Variants in PCDHGB1 observed in about 807,000 individuals in gnomAD.
PCDHGB1 encodes protocadherin gamma subfamily B, 1.
A neutral mutation model predicts 56.6 loss-of-function variants in PCDHGB1; 34 were observed. That is an observed-to-expected ratio of 0.60 (90% confidence interval 0.46 to 0.80). The LOEUF (loss-of-function observed/expected upper bound fraction) is 0.80. Among genes scored for constraint, PCDHGB1 ranks in the 30% least tolerant of loss-of-function variants. The pLI, the probability that PCDHGB1 is intolerant of heterozygous loss-of-function variation, is 0.00. For synonymous variants in PCDHGB1, 561 were observed against 505.9 expected (o/e 1.11, Z -1.46); for missense variants, 1,278 against 1,204.6 (o/e 1.06, Z -0.90).
Position 141,487,910 on chromosome 5 carries a change from C to T in PCDHGB1, c.2410-6897C>T, listed in dbSNP as rs2099668803. The T allele has an allele frequency of 3.0e-6, 2 of 661,468 alleles. No individual in the cohort carries two copies. Among genetic ancestry groups the T allele is most frequent in the Non-Finnish European group, 5.1e-6 (2 of 388,904 alleles). The allele number at this position is 661,468 out of a possible 1,614,324, so 41.0% of individuals were successfully genotyped here. ...AGCATGATGATGGAATGTGGGAGCA[C>T]AGGAGGCTACAGTGCACAGGGTACA... On this transcript the variant is annotated intron_variant, in intron 1 of 3. Transcript: ENST00000523390. The surrounding 1 kb of genome is among the most constrained non-coding windows in gnomAD (Gnocchi z 5.0).
rs144203659 is a variant in PCDHGB1, at chr5:141,431,011, G to A, written c.2410-63796G>A. The A allele has an allele frequency of 1.5e-5, 24 of 1,613,168 alleles. No individual in the cohort carries two copies. The highest frequency in any genetic ancestry group is 1.7e-5 in the Non-Finnish European group (20 of 1,179,310). ...CCCTGAATCCGCGCAGCGGCAGCTTGGTCACGGCGGGCAGGATAGACCGGG... is the reference window on the plus strand; with the variant it reads ...CCCTGAATCCGCGCAGCGGCAGCTTAGTCACGGCGGGCAGGATAGACCGGG... On this transcript the variant is annotated intron_variant, in intron 1 of 3. Transcript: ENST00000523390. This position sits in a 1 kb window ranked among gnomAD's most constrained non-coding sequence, Gnocchi z 4.8.
At position 141,491,099 on chromosome 5, in the gene PCDHGB1, T is replaced by C. The variant is rs1352561414; in HGVS notation, c.2410-3708T>C. 1 of 1,614,176 alleles carries C rather than the reference T, an allele frequency of 6.2e-7. No homozygotes were observed. ...CAGTCCACAGCCCCAGGACTGTTCC[T>C]CGTGTCTACACACACTGGTGAGGTG... On this transcript the variant is annotated intron_variant, in intron 1 of 3. Coordinates refer to ENST00000523390, the MANE Select transcript of PCDHGB1 (RefSeq NM_018922.3). The surrounding 1 kb of genome is among the most constrained non-coding windows in gnomAD (Gnocchi z 6.9).
chr5:141,409,639 G>A, intron 1 of PCDHGB1: 1 of 1,613,760 alleles, frequency 6.2e-7, no homozygotes, highest in Non-Finnish European at 8.5e-7. Flanking sequence ...CCTCTGACCC[G>A]GATTTGGGGC....
rs1472806327 is a variant in PCDHGB1 at position 141,447,891 on chromosome 5, G to C, written c.2410-46916G>C. Among the ~76,000 whole-genome samples the C allele has an allele frequency of 1.3e-5, 2 of 152,080 alleles. 1 individual carries two copies. Among genetic ancestry groups the C allele is most frequent in the African/African-American group, 4.8e-5 (2 of 41,408 alleles). On this transcript the variant is annotated intron_variant, in intron 1 of 3. Coordinates refer to ENST00000523390, the MANE Select transcript of PCDHGB1 (RefSeq NM_018922.3). Reference sequence around the variant, plus strand: ...ATCTGAGGTCAGGAGTTCGAGACCAGCCTGGCCAACATGGTGAAACTCTGT... The same window carrying C: ...ATCTGAGGTCAGGAGTTCGAGACCACCCTGGCCAACATGGTGAAACTCTGT...
intron 1 of PCDHGB1, among the ~76,000 whole-genome samples, chr5:141,353,336 TTCA>T (rs1197519087): frequency 1.3e-5 from 2 of 152,230 alleles, no homozygotes; most frequent in Non-Finnish European, 2.9e-5. Context: ...CAAGTTAAAG[TTCA>T]TCAATTACAT....
chr5:141,505,494 A>G lies in PCDHGB1; in HGVS notation c.2557+13A>G. ...GCGTCCGCCAGTGGTAAGTGGTGTC[A>G]GTGTGTGTATGGAAGAGTGGGAGAC... is the stretch of plus-strand genomic sequence containing the variant. On this transcript the variant is annotated intron_variant, in intron 3 of 3. Transcript: ENST00000523390. The G allele has an allele frequency of 6.8e-6, 11 of 1,614,198 alleles. No homozygotes were observed. Among genetic ancestry groups the G allele is most frequent in the Non-Finnish European group, 9.3e-6 (11 of 1,180,006 alleles).
intron 1 of PCDHGB1, chr5:141,399,816 G>A: frequency 1.2e-6 from 2 of 1,613,196 alleles, no homozygotes; most frequent in Non-Finnish European, 1.7e-6. Context: ...ACCCCGCGCT[G>A]GGTCCCGACG....
intron 1 of PCDHGB1, chr5:141,399,248 A>G (rs2150780633): frequency 6.2e-7 from 1 of 1,613,870 alleles, no homozygotes; most frequent in South Asian, 1.1e-5. Context: ...GATTCTGGGG[A>G]AAATGGGGAG....
At position 141,486,637 on chromosome 5, in the gene PCDHGB1, G is replaced by C. The variant is rs761072169; in HGVS notation, c.2410-8170G>C. 28 of 1,613,638 alleles carry C rather than the reference G, an allele frequency of 1.7e-5. No homozygotes were observed. The highest frequency in any genetic ancestry group is 1.1e-5 in the Non-Finnish European group (13 of 1,180,034). ...CTGACCCAGACTCTGGCTTGAATGC[G>C]CTTATCTCCTACTCACTCCTGGAGC... On this transcript the variant is annotated intron_variant, in intron 1 of 3. Transcript: ENST00000523390. This position sits in a 1 kb window ranked among gnomAD's most constrained non-coding sequence, Gnocchi z 5.0.
intron 1 of PCDHGB1, chr5:141,423,880 G>T: frequency 7.8e-7 from 1 of 1,282,292 alleles, no homozygotes; most frequent in Non-Finnish European, 9.9e-7. Flanking sequence ...TTTCAATCTT[G>T]GCATATTTTC....
chr5:141,383,980 C>G lies in PCDHGB1; in HGVS notation c.2409+31311C>G, dbSNP rs145468093. The G allele has an allele frequency of 9.9e-5, 159 of 1,613,694 alleles. No homozygotes were observed. In the East Asian group the frequency reaches 3.5e-3, roughly 35 times the overall value. Reference sequence around the variant, plus strand: ...AAGTAGCTCAATCCCTGAAGACACACCTCTTGGGACAGTCATTGCTCTTTT... The same window carrying G: ...AAGTAGCTCAATCCCTGAAGACACAGCTCTTGGGACAGTCATTGCTCTTTT... On this transcript the variant is annotated intron_variant, in intron 1 of 3. Transcript: ENST00000523390.
chr5:141,354,595 C>A (rs1353149588), intron 1 of PCDHGB1, among the ~76,000 whole-genome samples: 1 of 152,234 alleles, frequency 6.6e-6, no homozygotes, highest in African/African-American at 2.4e-5. Context: ...TAAAGCCAGA[C>A]CTCCAAGTTC....
chr5:141,368,261 C>A (rs1765551887), intron 1 of PCDHGB1, among the ~76,000 whole-genome samples: 1 of 152,202 alleles, frequency 6.6e-6, no homozygotes, highest in African/African-American at 2.4e-5. Flanking sequence ...TTAATTGACA[C>A]ATTAAAGAAC....
chr5:141,423,061 G>T, intron 1 of PCDHGB1: 2 of 1,614,160 alleles, frequency 1.2e-6, no homozygotes, highest in Non-Finnish European at 1.7e-6. Context: ...CCTGCTTAAG[G>T]CCAGCGAGCC....
chr5:141,427,983 C>G, intron 1 of PCDHGB1: 2 of 1,596,840 alleles, frequency 1.3e-6, no homozygotes, highest in South Asian at 2.2e-5. Context: ...CGCGCTGGGG[C>G]CCGATGGCTC....
chr5:141,399,460 G>A, intron 1 of PCDHGB1: 1 of 1,613,962 alleles, frequency 6.2e-7, no homozygotes, highest in Middle Eastern at 1.6e-4. Context: ...CAACGATAAC[G>A]CTCCGGTTTT....
chr5:141,510,359 T>A (rs1229932307), intron 3 of PCDHGB1, among the ~76,000 whole-genome samples: 3 of 143,318 alleles, frequency 2.1e-5, no homozygotes, highest in African/African-American at 7.7e-5. Flanking sequence ...CTAACGGAAC[T>A]ACCGAATCTC....
intron 1 of PCDHGB1, chr5:141,412,854 A>T (rs1356959630): frequency 4.5e-6 from 1 of 223,412 alleles, no homozygotes; most frequent in African/African-American, 2.3e-5. Context: ...GAGAAACCAA[A>T]GAATCTATGT....
chr5:141,418,576 C>T, intron 1 of PCDHGB1: 2 of 1,614,012 alleles, frequency 1.2e-6, no homozygotes, highest in South Asian at 1.1e-5. Flanking sequence ...ATGACAACCC[C>T]CCAGTGTTCA....
Sources: allele counts gnomAD v4.1 joint callset (sites outside exome capture counted in the v4.1 genomes callset), GRCh38; gene constraint gnomAD v4.1.1; non-coding constraint Gnocchi (gnomAD v3.1); transcripts MANE v1.5; gene names NCBI Gene and HGNC (gene_info 2026-07-23, HGNC 2026-07-21).